Variants in LYRM9 observed in about 807,000 individuals in gnomAD.
LYRM9 encodes LYR motif containing 9.
In LYRM9, 14 loss-of-function variants were observed where a neutral mutation model predicts 12.6. That is an observed-to-expected ratio of 1.11 (90% CI 0.73 to 1.73). The LOEUF (loss-of-function observed/expected upper bound fraction) is 1.73. Ranked by LOEUF, LYRM9 falls within the 40% of genes most tolerant of loss-of-function variation. The pLI is 0.00. For missense variants in LYRM9, 94 were observed against 95.0 expected, an observed-to-expected ratio of 0.99 and a Z score of 0.04; for synonymous variants, 42 against 35.1, an observed-to-expected ratio of 1.20 and a Z score of -0.69.
chr17:27,884,076 C>T (rs1452031109), intron 1 of LYRM9, among the ~76,000 whole-genome samples: 1 of 145,772 alleles, frequency 6.9e-6, no homozygotes, highest in Non-Finnish European at 1.5e-5. Flanking sequence ...GCAACCGCTG[C>T]ATTTTCCAGA....
chr17:27,887,517 C>A (rs1905268829), intron 1 of LYRM9, among the ~76,000 whole-genome samples: 1 of 152,184 alleles, frequency 6.6e-6, no homozygotes, highest in East Asian at 1.9e-4. Flanking sequence ...TCGATCTGGC[C>A]CCTACCTACC....
intron 1 of LYRM9, among the ~76,000 whole-genome samples, chr17:27,883,835 T>TAA (rs781375467): frequency 0.054 from 1,320 of 24,598 alleles, 377 homozygotes; most frequent in Middle Eastern, 0.15. Flanking sequence ...AGCCTTTTTC[T>TAA]AAAAAAAAAA....
At chr17:27,883,224 C>G (rs1399114625) in intron 1 of LYRM9, 1 of 299,440 alleles carries the variant, frequency 3.3e-6, no homozygotes, top group Admixed American at 4.5e-5. Context: ...AAAGACCCAC[C>G]AGATCAAACC....
intron 1 of LYRM9, among the ~76,000 whole-genome samples, chr17:27,884,957 C>T (rs764258941): frequency 6.6e-6 from 1 of 152,174 alleles, no homozygotes; most frequent in Non-Finnish European, 1.5e-5. Context: ...CCATTTACAT[C>T]CCATTATCTC....
intron 1 of LYRM9, 176 bp downstream of exon 1, chr17:27,893,140 TG>T (rs1905515413): frequency 6.6e-6 from 1 of 152,152 alleles, no homozygotes; most frequent in South Asian, 2.1e-4. Context: ...AGCTCTCCGG[TG>T]GAAGAGCGCA....
chr17:27,884,414 C>T (rs1905168697), intron 1 of LYRM9, among the ~76,000 whole-genome samples: 2 of 152,240 alleles, frequency 1.3e-5, no homozygotes, highest in Non-Finnish European at 2.9e-5. Context: ...GCCACAGGAA[C>T]TGCTCCCAGA....
At chr17:27,879,790 T>A in intron 3 of LYRM9, 1 of 543,432 alleles carries the variant, frequency 1.8e-6, no homozygotes, top group South Asian at 2.4e-5. Context: ...CTCTAGGTCC[T>A]TCTAATACCA....
At chr17:27,879,599 G>T in intron 3 of LYRM9, 109 bp from the exon 4 acceptor site, 10 of 1,251,798 alleles carry the variant, frequency 8.0e-6, no homozygotes, top group African/African-American at 3.1e-5. Flanking sequence ...TCCTGCAGGG[G>T]CTTCTTGGAG....
At chr17:27,881,393 G>A (rs547132065) in intron 2 of LYRM9, among the ~76,000 whole-genome samples, 48 of 148,180 alleles carry the variant, frequency 3.2e-4, no homozygotes, top group African/African-American at 9.1e-4. Context: ...CTAACTGCTC[G>A]TTCTCCATGT....
At chr17:27,889,901 G>C (rs1905371839) in intron 1 of LYRM9, among the ~76,000 whole-genome samples, 1 of 152,032 alleles carries the variant, frequency 6.6e-6, no homozygotes, top group African/African-American at 2.4e-5. Context: ...CTAGCTCTCT[G>C]ACCCAGAGCC....
At chr17:27,880,570 G>A in intron 2 of LYRM9, 1 of 590,982 alleles carries the variant, frequency 1.7e-6, no homozygotes, top group Non-Finnish European at 3.0e-6. Context: ...TTGAATCCTA[G>A]TCTATGTGAC....
chr17:27,880,535 C>T, intron 2 of LYRM9, 169 bp from the exon 3 acceptor site: 1 of 606,590 alleles, frequency 1.6e-6, no homozygotes, highest in African/African-American at 1.8e-5. Flanking sequence ...GAAACAGAGG[C>T]TCACTTGCTG....
In LYRM9 at chr17:27,879,208, C is replaced by A; in HGVS notation, c.*265G>T. The A allele has an allele frequency of 4.8e-6, 2 of 412,518 alleles. No individual in the cohort carries two copies. The highest frequency in any genetic ancestry group is 3.9e-5 in the South Asian group (1 of 25,914). The allele number at this position is 412,518 out of a possible 1,614,324, so 25.6% of individuals were successfully genotyped here. ...AGAGAAAAGTAAAAGAACAAAAACA[C>A]AAAAATAAAAAACACACAAAAGAAG... On this transcript the variant is annotated 3_prime_UTR_variant, in exon 4 of 4. Coordinates refer to ENST00000379102, the MANE Select transcript of LYRM9 (RefSeq NM_001076680.3).
intron 1 of LYRM9, among the ~76,000 whole-genome samples, chr17:27,885,083 T>C (rs1174109483): frequency 6.6e-6 from 1 of 152,116 alleles, no homozygotes; most frequent in Non-Finnish European, 1.5e-5. Context: ...CCATCTATTC[T>C]CCCTTCTAGT....
rs1904949501 is a variant in LYRM9, at chr17:27,879,193, A to C, written c.*280T>G. 2.6e-6 allele frequency: 1 copy of C among 379,764 alleles called. No individual in the cohort carries two copies. Among genetic ancestry groups the C allele is most frequent in the African/African-American group, 2.1e-5 (1 of 47,224 alleles). 23.5% of individuals were successfully genotyped at this position (379,764 alleles called of 1,614,324 possible). The stretch of plus-strand genomic sequence containing the variant: ...AAATGAATCACTTTCAGAGAAAAGT[A>C]AAAGAACAAAAACACAAAAATAAAA... On this transcript the variant is annotated 3_prime_UTR_variant, in exon 4 of 4. Coordinates refer to ENST00000379102, the MANE Select transcript of LYRM9 (RefSeq NM_001076680.3).
intron 3 of LYRM9, 56 bp downstream of exon 3, chr17:27,880,218 G>A (rs576198550): frequency 1.5e-6 from 2 of 1,375,052 alleles, no homozygotes; most frequent in Non-Finnish European, 2.0e-6. Context: ...TGGTCATGGG[G>A]ATCACAGCCA....
At position 27,887,713 on chromosome 17, in the gene LYRM9, G is replaced by GGTGT. The variant is rs59760752; in HGVS notation, c.-18-5005_-18-5002dup. ...GAGAAACAGAACCTATAGGAGGGAGGGTGTGTGTGTGTGTGTGTGTGTGTG... is the reference window on the plus strand; with the variant it reads ...GAGAAACAGAACCTATAGGAGGGAGGGTGTGTGTGTGTGTGTGTGTGTGTGTGTG... On this transcript the variant is annotated intron_variant, in intron 1 of 3. Transcript: ENST00000379102. 2.6e-3 allele frequency among the ~76,000 whole-genome samples: 229 copies of GGTGT among 86,820 alleles called. 1 individual carries two copies. The highest frequency in any genetic ancestry group is 5.8e-3 in the East Asian group (17 of 2,908). The allele number at this position is 86,820 out of a possible 152,430, so 57.0% of individuals were successfully genotyped here. A position where few individuals can be genotyped will look rare whatever the true frequency, so the allele number is the denominator to read the frequency against.
intron 1 of LYRM9, among the ~76,000 whole-genome samples, chr17:27,891,441 G>T (rs955204145): frequency 6.6e-6 from 1 of 152,114 alleles, no homozygotes; most frequent in Non-Finnish European, 1.5e-5. Context: ...ATGAAATAAC[G>T]CTCCTAGACT....
chr17:27,891,004 C>T (rs1905422442), intron 1 of LYRM9, among the ~76,000 whole-genome samples: 2 of 151,618 alleles, frequency 1.3e-5, no homozygotes, highest in Non-Finnish European at 2.9e-5. Flanking sequence ...TCCCTGTTGG[C>T]ATTACCTTGG....
Sources: allele counts gnomAD v4.1 joint callset (sites outside exome capture counted in the v4.1 genomes callset), GRCh38; gene constraint gnomAD v4.1.1; transcripts MANE v1.5; gene names NCBI Gene and HGNC (gene_info 2026-07-23, HGNC 2026-07-21).